Variants in ATP10A observed in about 807,000 individuals in gnomAD.
ATP10A encodes the protein ATPase phospholipid transporting 10A (putative).
Under a neutral mutation model 147.8 loss-of-function variants are expected in ATP10A, and 111 were observed. The observed-to-expected ratio is 0.75, with a 90% CI of 0.64 to 0.88. The LOEUF (loss-of-function observed/expected upper bound fraction) is 0.88. ATP10A is among the 40% of genes least tolerant of loss of function. ATP10A has a pLI of 0.00. For synonymous variants in ATP10A, 875 were observed against 841.6 expected, an observed-to-expected ratio of 1.04 and a Z score of -0.69; for missense variants, 1,927 against 1,959.0, an observed-to-expected ratio of 0.98 and a Z score of 0.31.
At chr15:25,750,821 A>G (rs919180703) in intron 2 of ATP10A, among the ~76,000 whole-genome samples, 2 of 152,076 alleles carry the variant, frequency 1.3e-5, no homozygotes, top group Non-Finnish European at 2.9e-5. Context: ...AAATAATATC[A>G]CTGAAAGGAT....
At position 25,714,161 on chromosome 15, in the gene ATP10A, G is replaced by A; in HGVS notation, c.1857C>T (p.Thr619=). 6.2e-7 allele frequency: 1 copy of A among 1,610,210 alleles called. No individual in the cohort carries two copies. The change falls in exon 10 of 21, where the codon ACC becomes ACT. Residue 619 remains threonine (T), a synonymous_variant. Coordinates refer to ENST00000555815, the MANE Select transcript of ATP10A (RefSeq NM_024490.4). ...GGCTCCCGATGCTGCTGCAGCCTGA[G>A]GTCAGGCAGCTGGGTGTGAACCTCC... ...FLRRFTPSCL[T]SGCSSIGSLA...
intron 1 of ATP10A, among the ~76,000 whole-genome samples, chr15:25,804,958 G>A (rs1483687092): frequency 6.6e-6 from 1 of 152,170 alleles, no homozygotes; most frequent in Admixed American, 6.5e-5. Context: ...GGTAGGTGGA[G>A]GCTCTTCGTT....
At chr15:25,705,524 C>T (rs1900942489) in intron 12 of ATP10A, among the ~76,000 whole-genome samples, 2 of 150,050 alleles carry the variant, frequency 1.3e-5, no homozygotes, top group African/African-American at 4.9e-5. Context: ...ATATAAGTGG[C>T]TGGCTTCACT....
chr15:25,742,316 A>G (rs1315835660), intron 2 of ATP10A, among the ~76,000 whole-genome samples: 1 of 152,264 alleles, frequency 6.6e-6, no homozygotes, highest in Non-Finnish European at 1.5e-5. Context: ...AGAGAAACTG[A>G]TCAAGGGGTG....
chr15:25,702,576 A>C (rs1305020682), intron 12 of ATP10A, among the ~76,000 whole-genome samples: 2 of 152,190 alleles, frequency 1.3e-5, no homozygotes, highest in Non-Finnish European at 2.9e-5. Context: ...GCTTATTACT[A>C]GTCACTATAG....
At chr15:25,686,996 C>T (rs1899730639) in intron 16 of ATP10A, among the ~76,000 whole-genome samples, 1 of 107,968 alleles carries the variant, frequency 9.3e-6, no homozygotes, top group South Asian at 3.1e-4. Context: ...TGAGCTCATC[C>T]GAGAGGGGTG....
intron 15 of ATP10A, among the ~76,000 whole-genome samples, chr15:25,690,218 C>T (rs1899944550): frequency 6.9e-6 from 1 of 144,252 alleles, no homozygotes; most frequent in Non-Finnish European, 1.5e-5. Context: ...CTACGTTTTC[C>T]TTAATTTTTT....
intron 1 of ATP10A, among the ~76,000 whole-genome samples, chr15:25,786,926 T>C (rs574516489): frequency 6.6e-6 from 1 of 152,042 alleles, no homozygotes; most frequent in South Asian, 2.1e-4. Flanking sequence ...TGAGCCACCG[T>C]GCCTGGCCCA....
intron 10 of ATP10A, among the ~76,000 whole-genome samples, chr15:25,712,175 T>TG (rs1901467490): frequency 6.6e-6 from 1 of 152,192 alleles, no homozygotes; most frequent in Admixed American, 6.5e-5. Flanking sequence ...GGTAATTTTT[T>TG]GGGGGGGACG....
At chr15:25,796,809 G>C (rs900235541) in intron 1 of ATP10A, among the ~76,000 whole-genome samples, 1 of 152,210 alleles carries the variant, frequency 6.6e-6, no homozygotes, top group Non-Finnish European at 1.5e-5. Flanking sequence ...ATTTGAGCTG[G>C]CCTTGTAGAG....
chr15:25,852,500 A>C (rs947856652), intron 1 of ATP10A, among the ~76,000 whole-genome samples: 28 of 152,170 alleles, frequency 1.8e-4, no homozygotes, highest in African/African-American at 6.7e-4. Context: ...CGTCTCTCTA[A>C]CCGCCCCCCA....
intron 17 of ATP10A, among the ~76,000 whole-genome samples, chr15:25,682,372 C>T (rs1277847404): frequency 1.3e-5 from 2 of 152,066 alleles, no homozygotes; most frequent in Non-Finnish European, 2.9e-5. Context: ...ACCCGGGTGA[C>T]CAAATGTGTA....
At chr15:25,846,393 T>C (rs932433472) in intron 1 of ATP10A, among the ~76,000 whole-genome samples, 4 of 152,244 alleles carry the variant, frequency 2.6e-5, no homozygotes, top group Non-Finnish European at 5.9e-5. Flanking sequence ...AGGCTGTGTG[T>C]GCCAGTGGAG....
Position 25,718,249 on chromosome 15 carries a change from G to T in ATP10A, c.1514C>A (p.Thr505Lys), listed in dbSNP as rs918284675. Reference protein sequence around the residue: ...RTQSTKSHRRTGSRAEAKRAS... With the variant: ...RTQSTKSHRRKGSRAEAKRAS... ...CCTCTTGGCCTCGGCCCGGCTGCCCGTGCGCCGGTGGGACTTGGTGCTCTG... is the reference window on the plus strand; with the variant it reads ...CCTCTTGGCCTCGGCCCGGCTGCCCTTGCGCCGGTGGGACTTGGTGCTCTG... Residue 505 changes from threonine to lysine, a missense_variant, in exon 8 of 21, where the codon ACG (threonine) becomes AAG (lysine). Physicochemically the swap from Thr to Lys is moderately conservative, Grantham distance 78. Transcript: ENST00000555815. The T allele has an allele frequency of 2.5e-6, 4 of 1,612,732 alleles. No homozygotes were observed. The highest frequency in any genetic ancestry group is 1.7e-5 in the Admixed American group (1 of 59,988).
At chr15:25,815,976 G>A (rs2140832189) in intron 1 of ATP10A, among the ~76,000 whole-genome samples, 1 of 150,972 alleles carries the variant, frequency 6.6e-6, no homozygotes, top group East Asian at 1.9e-4. Flanking sequence ...AAAGTTTTAA[G>A]AAAAGAAGAA....
intron 13 of ATP10A, among the ~76,000 whole-genome samples, chr15:25,699,761 G>C (rs2140337814): frequency 6.6e-6 from 1 of 152,262 alleles, no homozygotes; most frequent in Admixed American, 6.5e-5. Context: ...CCAGGTACTA[G>C]GGATGCTGAG....
intron 2 of ATP10A, among the ~76,000 whole-genome samples, chr15:25,770,167 GGCCCCACCCA>G (rs1889259655): frequency 1.3e-5 from 2 of 150,928 alleles, no homozygotes; most frequent in Non-Finnish European, 2.9e-5. Flanking sequence ...GGTGGGGAGG[GGCCCCACCCA>G]TGTTTTCAGC....
chr15:25,682,661 C>A (rs531495294), intron 17 of ATP10A, among the ~76,000 whole-genome samples: 43 of 152,326 alleles, frequency 2.8e-4, no homozygotes, highest in African/African-American at 8.9e-4. Context: ...CCCGTGCATG[C>A]GGCCTGCTTC....
At position 25,714,149 on chromosome 15, in the gene ATP10A, G is replaced by A; in HGVS notation, c.1869C>T (p.Ser623=). 1 of 1,611,158 alleles carries A rather than the reference G, an allele frequency of 6.2e-7. No individual in the cohort carries two copies. The highest frequency in any genetic ancestry group is 8.5e-7 in the Non-Finnish European group (1 of 1,180,036). The change falls in exon 10 of 21, where the codon AGC becomes AGT. Residue 623 remains serine, a synonymous_variant. Coordinates refer to ENST00000555815, the MANE Select transcript of ATP10A (RefSeq NM_024490.4). ...TGTTGGCGGCCAGGCTCCCGATGCT[G>A]CTGCAGCCTGAGGTCAGGCAGCTGG... The part of the protein sequence containing the change: ...FTPSCLTSGC[S]SIGSLAANKS...
Sources: allele counts gnomAD v4.1 joint callset (sites outside exome capture counted in the v4.1 genomes callset), GRCh38; gene constraint gnomAD v4.1.1; transcripts MANE v1.5; gene names NCBI Gene and HGNC (gene_info 2026-07-23, HGNC 2026-07-21).